Variants in RAPGEF2 observed in about 807,000 individuals in gnomAD.
The protein encoded by RAPGEF2 is Rap guanine nucleotide exchange factor 2.
A neutral mutation model predicts 186.7 loss-of-function variants in RAPGEF2; 54 were observed. The observed-to-expected ratio is 0.29, with a 90% confidence interval of 0.23 to 0.36. RAPGEF2 has a LOEUF of 0.36. Ranked by LOEUF, RAPGEF2 falls within the 10% of genes least tolerant of loss-of-function variation. The pLI is 1.00. For synonymous variants in RAPGEF2, 712 were observed against 705.9 expected (o/e 1.01, Z -0.14); for missense variants, 1,532 against 2,045.0 (o/e 0.75, Z 4.84).
intron 4 of RAPGEF2, among the ~76,000 whole-genome samples, chr4:159,223,144 T>C (rs72699344): frequency 6.6e-6 from 1 of 152,142 alleles, no homozygotes; most frequent in African/African-American, 2.4e-5. Context: ...CAGTTATTTT[T>C]TATTACCAAT....
intron 1 of RAPGEF2, among the ~76,000 whole-genome samples, chr4:159,133,321 C>A (rs184795628): frequency 6.6e-6 from 1 of 152,146 alleles, no homozygotes; most frequent in East Asian, 1.9e-4. Flanking sequence ...TACAGGACTA[C>A]TAGCATTGTA....
At chr4:159,259,269 A>G (rs1401181187) in intron 7 of RAPGEF2, among the ~76,000 whole-genome samples, 7 of 152,242 alleles carry the variant, frequency 4.6e-5, no homozygotes, top group Non-Finnish European at 8.8e-5. Flanking sequence ...ATATATATCA[A>G]ATAATTTAAC....
chr4:159,321,690 A>G (rs1434335355), intron 9 of RAPGEF2, among the ~76,000 whole-genome samples: 2 of 152,218 alleles, frequency 1.3e-5, no homozygotes, highest in Non-Finnish European at 2.9e-5. Context: ...CCAGTACTTG[A>G]AGAGACTGTG....
intron 19 of RAPGEF2, among the ~76,000 whole-genome samples, chr4:159,340,663 AT>A (rs1729270036): frequency 7.6e-6 from 1 of 131,984 alleles, no homozygotes; most frequent in Non-Finnish European, 1.6e-5. Context: ...TACCACCACC[AT>A]CACCACACAC....
chr4:159,124,459 A>AACCT (rs1426262235), intron 1 of RAPGEF2, among the ~76,000 whole-genome samples: 1 of 151,986 alleles, frequency 6.6e-6, no homozygotes, highest in East Asian at 1.9e-4. Context: ...GAATTGCTTG[A>AACCT]ACCTGGGAGG....
intron 4 of RAPGEF2, among the ~76,000 whole-genome samples, chr4:159,236,115 A>G (rs538670056): frequency 1.3e-5 from 2 of 152,318 alleles, no homozygotes; most frequent in African/African-American, 4.8e-5. Context: ...TGCTTTTTCC[A>G]TTCAGCTTAT....
At chr4:159,333,844 C>T (rs1767021679) in intron 17 of RAPGEF2, among the ~76,000 whole-genome samples, 1 of 152,180 alleles carries the variant, frequency 6.6e-6, no homozygotes, top group South Asian at 2.1e-4. Context: ...GGTCTAAAGA[C>T]ATGCAGTAGA....
chr4:159,210,912 G>A (rs1750455882), intron 4 of RAPGEF2, among the ~76,000 whole-genome samples: 1 of 152,190 alleles, frequency 6.6e-6, no homozygotes, highest in Non-Finnish European at 1.5e-5. Flanking sequence ...AACTTAAAGA[G>A]TATAGCAGGC....
At chr4:159,190,744 A>G (rs1748041811) in intron 2 of RAPGEF2, among the ~76,000 whole-genome samples, 1 of 152,194 alleles carries the variant, frequency 6.6e-6, no homozygotes, top group Non-Finnish European at 1.5e-5. Flanking sequence ...TTATAAAACC[A>G]TCAGATCATT....
chr4:159,340,495 A>T (rs1729232849), intron 19 of RAPGEF2, among the ~76,000 whole-genome samples: 1 of 152,200 alleles, frequency 6.6e-6, no homozygotes, highest in Non-Finnish European at 1.5e-5. Context: ...TGTGAAAGTC[A>T]AGGGCGCAAA....
intron 23 of RAPGEF2, 84 bp from the exon 24 acceptor site, chr4:159,345,020 CTA>C (rs947818730): frequency 3.5e-5 from 38 of 1,075,276 alleles, no homozygotes; most frequent in Non-Finnish European, 4.9e-5. Flanking sequence ...TGAACATAGA[CTA>C]TTAATATCAG....
intron 1 of RAPGEF2, among the ~76,000 whole-genome samples, chr4:159,140,083 C>T (rs1432698865): frequency 6.6e-6 from 1 of 152,132 alleles, no homozygotes; most frequent in African/African-American, 2.4e-5. Context: ...ATTGTCTTGA[C>T]CAAGATAGCA....
chr4:159,116,627 C>T (rs368239883), intron 1 of RAPGEF2, among the ~76,000 whole-genome samples: 75 of 152,294 alleles, frequency 4.9e-4, no homozygotes, highest in African/African-American at 1.6e-3. Flanking sequence ...CATTGCAGCA[C>T]TATTCACAAT....
intron 17 of RAPGEF2, among the ~76,000 whole-genome samples, chr4:159,333,229 C>T (rs936964895): frequency 4.3e-4 from 66 of 152,194 alleles, no homozygotes; most frequent in East Asian, 1.7e-3. Flanking sequence ...CCACCCGCCT[C>T]GGCCTCCCAA....
intron 7 of RAPGEF2, among the ~76,000 whole-genome samples, chr4:159,286,316 C>A (rs185764353): frequency 1.3e-5 from 2 of 152,092 alleles, no homozygotes; most frequent in African/African-American, 4.8e-5. Context: ...ATTATTACCA[C>A]CCTGGTCCAA....
At chr4:159,171,772 G>A (rs1745932131) in intron 1 of RAPGEF2, among the ~76,000 whole-genome samples, 1 of 152,052 alleles carries the variant, frequency 6.6e-6, no homozygotes, top group African/African-American at 2.4e-5. Context: ...ATAAGAGCCG[G>A]AAGTAAAAGG....
At chr4:159,321,661 A>T (rs1396609115) in intron 9 of RAPGEF2, among the ~76,000 whole-genome samples, 1 of 152,188 alleles carries the variant, frequency 6.6e-6, no homozygotes, top group African/African-American at 2.4e-5. Context: ...AAAACACAGG[A>T]CTTTTAAAAA....
At chr4:159,350,811 ACT>A (rs1731065815) in intron 26 of RAPGEF2, among the ~76,000 whole-genome samples, 1 of 152,102 alleles carries the variant, frequency 6.6e-6, no homozygotes, top group African/African-American at 2.4e-5. Flanking sequence ...CTGCTGCATA[ACT>A]CTTCAGGCTA....
At chr4:159,289,331 A>C (rs1760901332) in intron 7 of RAPGEF2, among the ~76,000 whole-genome samples, 1 of 152,218 alleles carries the variant, frequency 6.6e-6, no homozygotes, top group Non-Finnish European at 1.5e-5. Context: ...GAAGTTAAAA[A>C]TATGTTGAGT....
Sources: allele counts gnomAD v4.1 joint callset (sites outside exome capture counted in the v4.1 genomes callset), GRCh38; gene constraint gnomAD v4.1.1; transcripts MANE v1.5; gene names NCBI Gene and HGNC (gene_info 2026-07-23, HGNC 2026-07-21).